The following ABL2 variants were observed in gnomAD, a reference collection of about 807,000 sequenced individuals.
ABL2 encodes the protein tyrosine-protein kinase ABL2.
ABL2 carries 49 observed loss-of-function variants against 107.7 expected under a neutral mutation model. The observed-to-expected ratio is 0.45, with a 90% confidence interval of 0.36 to 0.58. ABL2 has a LOEUF of 0.58. ABL2 is among the 20% of genes least tolerant of loss of function. The probability of loss-of-function intolerance (pLI) is 0.00; values close to 1 mark genes in which losing one functional copy is unlikely to be tolerated. For synonymous variants in ABL2, 549 were observed against 548.6 expected, an observed-to-expected ratio of 1.00 and a Z score of -0.01; for missense variants, 1,245 against 1,457.0, an observed-to-expected ratio of 0.85 and a Z score of 2.37.
rs949447441 is a variant in ABL2, at chr1:179,104,962, A to G, written c.*2756T>C. 1.8e-5 allele frequency: 4 copies of G among 225,904 alleles called. No homozygotes were observed. The highest frequency in any genetic ancestry group is 8.9e-5 in the African/African-American group (4 of 44,924). The allele number at this position is 225,904 out of a possible 1,614,324, so 14.0% of individuals were successfully genotyped here. On this transcript the variant is annotated 3_prime_UTR_variant, in exon 12 of 12. Coordinates refer to ENST00000502732, the MANE Select transcript of ABL2 (RefSeq NM_007314.4). ...GTGTTTAAGCTGGTCCTTTTCAAGT[A>G]GAAAAAGGAAAAACCTAAATTATGC...
At chr1:179,195,782 C>A (rs979475394) in intron 1 of ABL2, among the ~76,000 whole-genome samples, 2 of 152,106 alleles carry the variant, frequency 1.3e-5, no homozygotes, top group African/African-American at 4.8e-5. Flanking sequence ...GAGCCAGTTA[C>A]AAAAGGGCAA....
chr1:179,115,643 C>T (rs1043053934), intron 8 of ABL2, among the ~76,000 whole-genome samples: 4 of 152,034 alleles, frequency 2.6e-5, no homozygotes, highest in African/African-American at 9.7e-5. Flanking sequence ...ATTATATATC[C>T]AGGGCTTGAC....
intron 1 of ABL2, among the ~76,000 whole-genome samples, chr1:179,158,083 G>A (rs1658818111): frequency 6.6e-6 from 1 of 152,188 alleles, no homozygotes; most frequent in Non-Finnish European, 1.5e-5. Context: ...GAGACCATAG[G>A]AGAGTCAAGG....
At chr1:179,178,762 G>A (rs182125048) in intron 1 of ABL2, among the ~76,000 whole-genome samples, 1 of 151,474 alleles carries the variant, frequency 6.6e-6, no homozygotes, top group Non-Finnish European at 1.5e-5. Flanking sequence ...TGGTGGGCTG[G>A]GGGGGGTGCC....
At chr1:179,188,021 A>G (rs572735311) in intron 1 of ABL2, among the ~76,000 whole-genome samples, 4 of 152,160 alleles carry the variant, frequency 2.6e-5, no homozygotes, top group Admixed American at 1.3e-4. Flanking sequence ...TTCCTCTTAT[A>G]TATTATCCCC....
At chr1:179,229,170 G>GCCCACC in intron 1 of ABL2, 71 bp downstream of exon 1, 1 of 266,256 alleles carries the variant, frequency 3.8e-6, no homozygotes, top group Non-Finnish European at 6.8e-6. Context: ...CAGCCCGTCC[G>GCCCACC]CCACCCACCC....
At chr1:179,134,710 GCCTCTC>G (rs145333468) in intron 1 of ABL2, among the ~76,000 whole-genome samples, 56,661 of 151,060 alleles carry the variant, frequency 0.38, 10,885 homozygotes, top group East Asian at 0.49. Flanking sequence ...TGCAGCCTCA[GCCTCTC>G]CCTCTCCCTC....
At chr1:179,143,215 T>G (rs1002902830) in intron 1 of ABL2, 2 of 906,268 alleles carry the variant, frequency 2.2e-6, no homozygotes, top group Admixed American at 3.7e-5. Flanking sequence ...GGGTGGAGAG[T>G]GACCTAAAGG....
At chr1:179,165,370 G>C (rs1449104275) in intron 1 of ABL2, among the ~76,000 whole-genome samples, 2 of 151,920 alleles carry the variant, frequency 1.3e-5, no homozygotes, top group East Asian at 3.9e-4. Flanking sequence ...GAATGAGGAA[G>C]AAGGCATTCC....
chr1:179,101,242 T>G lies in ABL2; in HGVS notation c.*6476A>C, dbSNP rs968689513. On this transcript the variant is annotated 3_prime_UTR_variant, in exon 12 of 12. Transcript: ENST00000502732. ...CAGTTTCTGCCATTCCAAGTCAGCT[T>G]TGAATCATGACCTGCCACAGGCCTC... is the stretch of plus-strand genomic sequence containing the variant. 4.5e-6 allele frequency: 1 copy of G among 224,096 alleles called. No homozygotes were observed. Among genetic ancestry groups the G allele is most frequent in the Non-Finnish European group, 8.9e-6 (1 of 112,432 alleles). 13.9% of individuals were successfully genotyped at this position (224,096 alleles called of 1,614,324 possible).
At chr1:179,139,845 T>C (rs895147984) in intron 1 of ABL2, among the ~76,000 whole-genome samples, 8 of 152,318 alleles carry the variant, frequency 5.3e-5, no homozygotes, top group African/African-American at 1.7e-4. Flanking sequence ...CTAGGTTGAA[T>C]GCTCCTTATG....
In ABL2 at chr1:179,108,023, CT is replaced by C; in HGVS notation, c.3243del (p.Asp1082ThrfsTer29). On this transcript the variant is annotated frameshift_variant, in exon 12 of 12. Transcript: ENST00000502732. LOFTEE classifies it high-confidence loss of function. ...AGCAGGGCCTCTTTGCTGATTTTGT[CT>C]GCTGAGATTTTCTCAGCGGCCTGTT... ...KTKQAAEKISADKISKEALLE... is the reference protein window; with the variant it reads ...KTKQAAEKISXDKISKEALLE... 1 of 1,614,254 alleles carries C rather than the reference CT, an allele frequency of 6.2e-7. No individual in the cohort carries two copies. The highest frequency in any genetic ancestry group is 8.5e-7 in the Non-Finnish European group (1 of 1,180,054).
chr1:179,180,442 A>C (rs1660308101), intron 1 of ABL2, among the ~76,000 whole-genome samples: 1 of 152,196 alleles, frequency 6.6e-6, no homozygotes, highest in Non-Finnish European at 1.5e-5. Context: ...GAAGGAGCTG[A>C]TATGTCCCAT....
chr1:179,195,705 T>TA (rs930536561), intron 1 of ABL2, among the ~76,000 whole-genome samples: 6 of 150,508 alleles, frequency 4.0e-5, no homozygotes, highest in South Asian at 2.1e-4. Context: ...AGCCCTTAAA[T>TA]AAAAAAAAAG....
chr1:179,154,951 A>G (rs1658592912), intron 1 of ABL2, among the ~76,000 whole-genome samples: 1 of 152,242 alleles, frequency 6.6e-6, no homozygotes, highest in African/African-American at 2.4e-5. Flanking sequence ...TACTTCTGAT[A>G]TACTGTAATT....
Position 179,107,700 on chromosome 1 carries a change from C to T in ABL2, c.*18G>A, listed in dbSNP as rs1653563474. ...TCCCCTCAGAAATGTGTGCATTTTC[C>T]CACCAGGCTAACAGTGGCTACCTCT... On this transcript the variant is annotated 3_prime_UTR_variant, in exon 12 of 12. Transcript: ENST00000502732. 7 of 1,569,776 alleles carry T rather than the reference C, an allele frequency of 4.5e-6. No homozygotes were observed. Among genetic ancestry groups the T allele is most frequent in the East Asian group, 2.3e-5 (1 of 44,354 alleles).
At chr1:179,117,210 C>T (rs919914260) in intron 8 of ABL2, 122 bp downstream of exon 8, 1 of 1,011,982 alleles carries the variant, frequency 9.9e-7, no homozygotes, top group Non-Finnish European at 1.5e-6. Context: ...TGCTGAATAA[C>T]TGAAGAAGAA....
At chr1:179,174,908 AT>A (rs374578226) in intron 1 of ABL2, among the ~76,000 whole-genome samples, 24,921 of 119,472 alleles carry the variant, frequency 0.21, 3,376 homozygotes, top group African/African-American at 0.29. Context: ...AAAAAAAAAA[AT>A]AAAATAAAAA....
intron 1 of ABL2, among the ~76,000 whole-genome samples, chr1:179,213,337 T>C (rs1177109778): frequency 1.3e-5 from 2 of 152,146 alleles, no homozygotes; most frequent in African/African-American, 4.8e-5. Flanking sequence ...TCTTTTTTTT[T>C]CTTCCTTTTC....
Sources: allele counts gnomAD v4.1 joint callset (sites outside exome capture counted in the v4.1 genomes callset), GRCh38; gene constraint gnomAD v4.1.1; transcripts MANE v1.5; gene names NCBI Gene and HGNC (gene_info 2026-07-23, HGNC 2026-07-21).